Variants in WNK3 observed in about 807,000 individuals in gnomAD.
WNK3 encodes WNK lysine deficient protein kinase 3, also known as serine/threonine-protein kinase WNK3.
A neutral mutation model predicts 116.7 loss-of-function variants in WNK3; 18 were observed. The ratio of observed to expected loss-of-function variants is 0.15; its 90% confidence interval spans 0.11 to 0.23. The LOEUF (loss-of-function observed/expected upper bound fraction) is 0.23, where lower values mean the gene tolerates loss of function less well. WNK3 is among the 10% of genes least tolerant of loss of function. WNK3 has a pLI of 1.00. For missense variants in WNK3, 993 were observed against 1,323.8 expected (o/e 0.75, Z 3.88); for synonymous variants, 404 against 469.4 (o/e 0.86, Z 1.80).
intron 1 of WNK3, among the ~76,000 whole-genome samples, chrX:54,356,195 A>C (rs1289783175): frequency 8.9e-6 from 1 of 112,261 alleles, no homozygotes; most frequent in Non-Finnish European, 1.9e-5. Context: ...TATTCAGAGA[A>C]CAAAATGTTC....
At chrX:54,235,510 C>T (rs1305112367) in intron 20 of WNK3, among the ~76,000 whole-genome samples, 1 of 111,276 alleles carries the variant, frequency 9.0e-6, no homozygotes, top group Admixed American at 9.6e-5. Flanking sequence ...TGGTCTCAAA[C>T]TCCTGACCTC....
chrX:54,322,685 T>C (rs1557172557), intron 2 of WNK3, among the ~76,000 whole-genome samples: 2 of 112,048 alleles, frequency 1.8e-5, no homozygotes. Flanking sequence ...GGAAAATTGC[T>C]TAACATATCT....
At chrX:54,249,090 G>T (rs782425182) in exon 17 of WNK3, 11 of 1,210,252 alleles carry the variant, frequency 9.1e-6, no homozygotes, top group Middle Eastern at 2.3e-4. Flanking sequence ...TGGGTTGAAG[G>T]GTAGTTGGTT....
chrX:54,295,529 G>T (rs1488730842), intron 7 of WNK3, among the ~76,000 whole-genome samples: 1 of 112,028 alleles, frequency 8.9e-6, no homozygotes, highest in Non-Finnish European at 1.9e-5. Context: ...ACCAGATACA[G>T]GTGACTAAGT....
chrX:54,309,347 C>T, intron 3 of WNK3, 32 bp from the exon 4 acceptor site: 8 of 1,043,859 alleles, frequency 7.7e-6, no homozygotes, highest in Non-Finnish European at 1.1e-5. Context: ...CATGTGTAAA[C>T]AAACATATCC....
chrX:54,300,981 G>A (rs1431984872), intron 6 of WNK3, among the ~76,000 whole-genome samples: 1 of 111,062 alleles, frequency 9.0e-6, no homozygotes, highest in East Asian at 2.8e-4. Context: ...GGTGGTTCAC[G>A]CCTGTAATGA....
rs2067603149 is a variant in WNK3 at position 54,210,630 on chromosome X, AAAAT to A, written c.4871-8441_4871-8438del. ...TGACAAAGCAAGACCCTGTCTCTAAAAAATAAATAGATAAATAACAAAGTCTGGT... is the reference window on the plus strand; with the variant it reads ...TGACAAAGCAAGACCCTGTCTCTAAAAAATAGATAAATAACAAAGTCTGGT... On this transcript the variant is annotated intron_variant, in intron 22 of 23. Transcript: ENST00000354646. Among the ~76,000 whole-genome samples, 3 of 111,792 alleles carry A rather than the reference AAAAT, an allele frequency of 2.7e-5. No homozygotes were observed. In the Admixed American group the frequency reaches 2.9e-4, roughly 11 times the overall value.
intron 22 of WNK3, among the ~76,000 whole-genome samples, chrX:54,221,239 A>G (rs2067757351): frequency 8.9e-6 from 1 of 112,491 alleles, no homozygotes; most frequent in Admixed American, 9.5e-5. Flanking sequence ...AGAATGCTAG[A>G]TAGTTACTCA....
intron 10 of WNK3, among the ~76,000 whole-genome samples, chrX:54,274,015 C>G (rs781795532): frequency 2.7e-5 from 3 of 111,425 alleles, no homozygotes; most frequent in African/African-American, 9.8e-5. Flanking sequence ...TAACTGGCAG[C>G]AAGGCAGGCT....
At chrX:54,210,044 G>A (rs939570459) in intron 22 of WNK3, among the ~76,000 whole-genome samples, 4 of 111,611 alleles carry the variant, frequency 3.6e-5, no homozygotes, top group African/African-American at 1.3e-4. Flanking sequence ...TTAACTCCCT[G>A]CTGACAACTT....
At position 54,337,247 on chromosome X, in the gene WNK3, C is replaced by T. The variant is rs1157834137; in HGVS notation, c.-119-3455G>A. ...TGGAAAGCCTTCAAAATTTTTTTTA[C>T]TACAGAACCTATTTAAAAAAAATAA... On this transcript the variant is annotated intron_variant, in intron 1 of 23. Transcript: ENST00000354646. Among the ~76,000 whole-genome samples, 6 of 111,371 alleles carry T rather than the reference C, an allele frequency of 5.4e-5. No individual in the cohort carries two copies. In the South Asian group the frequency reaches 1.5e-3, roughly 28 times the overall value.
chrX:54,347,442 C>T (rs971157774), intron 1 of WNK3, among the ~76,000 whole-genome samples: 42 of 110,861 alleles, frequency 3.8e-4, no homozygotes, highest in Non-Finnish European at 6.4e-4. Context: ...GCCAAGATAG[C>T]GCCACTGCAC....
In WNK3 at chrX:54,198,441, TTG is replaced by T; in HGVS notation, c.5284_5285del (p.Gln1762ThrfsTer38). ...ATTGGGCGGGAATTACTACAGATTG[TTG>T]TGTTGTTCCTGAAATTCCTACCCAC... is the stretch of plus-strand genomic sequence containing the variant. On this transcript the variant is annotated frameshift_variant, in exon 24 of 24. Coordinates refer to ENST00000354646, the Ensembl canonical transcript of WNK3. LOFTEE classifies it high-confidence loss of function. 3 of 1,211,275 alleles carry T rather than the reference TTG, an allele frequency of 2.5e-6. No individual in the cohort carries two copies. Among genetic ancestry groups the T allele is most frequent in the Non-Finnish European group, 3.4e-6 (3 of 895,299 alleles).
At chrX:54,270,399 C>CTTTT (rs781794140) in intron 10 of WNK3, among the ~76,000 whole-genome samples, 1 of 92,767 alleles carries the variant, frequency 1.1e-5, no homozygotes, top group African/African-American at 3.9e-5. Flanking sequence ...CGCCCGGCCT[C>CTTTT]TTTTTTTTTT....
chrX:54,320,163 T>C (rs1437483700), intron 2 of WNK3, among the ~76,000 whole-genome samples: 5 of 112,399 alleles, frequency 4.4e-5, no homozygotes, highest in African/African-American at 1.6e-4. Flanking sequence ...TTATAAATGT[T>C]AACTAAACAT....
chrX:54,301,652 G>C, intron 6 of WNK3, 119 bp downstream of exon 6: 1 of 531,779 alleles, frequency 1.9e-6, no homozygotes, highest in Non-Finnish European at 3.1e-6. Context: ...TCTAGAGTAT[G>C]GTTTGGCTTC....
chrX:54,196,191 A>G (rs1246945255), exon 24 of WNK3: 2 of 111,372 alleles, frequency 1.8e-5, no homozygotes, highest in Non-Finnish European at 3.8e-5. Flanking sequence ...ATGTCCTAAA[A>G]TCACTTTAAA....
intron 2 of WNK3, among the ~76,000 whole-genome samples, chrX:54,326,033 A>G (rs955495008): frequency 3.4e-4 from 38 of 111,227 alleles, no homozygotes; most frequent in African/African-American, 1.2e-3. Flanking sequence ...GTAATTTACC[A>G]AAGTTTTTAC....
At chrX:54,249,772 AAC>A (rs1443382338) in intron 16 of WNK3, 138 bp from the exon 17 acceptor site, 1 of 737,621 alleles carries the variant, frequency 1.4e-6, no homozygotes, top group Non-Finnish European at 2.0e-6. Flanking sequence ...TAAGACTCAA[AAC>A]ACAGAATTCA....
Sources: allele counts gnomAD v4.1 joint callset (sites outside exome capture counted in the v4.1 genomes callset), GRCh38; gene constraint gnomAD v4.1.1; transcripts MANE v1.5; gene names NCBI Gene and HGNC (gene_info 2026-07-23, HGNC 2026-07-21).